The following CLN3 variants were observed in gnomAD, a reference collection of about 807,000 sequenced individuals.
CLN3 encodes CLN3 lysosomal/endosomal transmembrane protein, battenin.
Under a neutral mutation model 60.7 loss-of-function variants are expected in CLN3, and 49 were observed. That is an observed-to-expected ratio of 0.81 (90% CI 0.64 to 1.02). The LOEUF (loss-of-function observed/expected upper bound fraction) is 1.02. Ranked by LOEUF, CLN3 falls within the 50% of genes least tolerant of loss-of-function variation. CLN3 has a pLI of 0.00. For missense variants in CLN3, 516 were observed against 557.4 expected, an observed-to-expected ratio of 0.93 and a Z score of 0.75; for synonymous variants, 256 against 245.8, an observed-to-expected ratio of 1.04 and a Z score of -0.39.
chr16:28,481,450 A>G (rs866306029), intron 14 of CLN3, among the ~76,000 whole-genome samples: 52 of 131,030 alleles, frequency 4.0e-4, no homozygotes, highest in African/African-American at 1.0e-3. Context: ...ACACACACAC[A>G]CACGCACACA....
Position 28,486,407 on chromosome 16 carries a change from C to A in CLN3, c.617G>T (p.Gly206Val), listed in dbSNP as rs2046218972. 6.2e-7 allele frequency: 1 copy of A among 1,613,186 alleles called. No individual in the cohort carries two copies. The highest frequency in any genetic ancestry group is 8.5e-7 in the Non-Finnish European group (1 of 1,179,986). The stretch of plus-strand genomic sequence containing the variant: ...CAGCAGGGTCTGCTGAGGGGAGAGG[C>A]CGGCCTGGGTGAGGCCCAGGTAGGA... ...ALSYLGLTQA[G>V]LSPQQTLLSM... Residue 206 changes from glycine to valine, a missense_variant, in exon 9 of 16, where the codon GGC (glycine) becomes GTC (valine). Coordinates refer to ENST00000636147, the MANE Select transcript of CLN3 (RefSeq NM_001042432.2).
In CLN3 at chr16:28,482,319, C is replaced by T. The variant is rs2046112088; in HGVS notation, c.962+8G>A. On this transcript the variant is annotated splice_region_variant and intron_variant, in intron 13 of 15. Transcript: ENST00000636147. ...GCCCTCCCAGCCCACTGCCCTCGCT[C>T]CTCTTACCAGCGGTATTGCTGAGCG... 6.2e-7 allele frequency: 1 copy of T among 1,613,378 alleles called. No homozygotes were observed. Among genetic ancestry groups the T allele is most frequent in the Non-Finnish European group, 8.5e-7 (1 of 1,179,808 alleles).
chr16:28,478,617 TAAAAAAAAAAAAAAAAAAAA>T (rs766238150), intron 14 of CLN3, among the ~76,000 whole-genome samples: 5 of 74,356 alleles, frequency 6.7e-5, no homozygotes, highest in African/African-American at 3.8e-4. Context: ...TCCTGTCTCA[TAAAAAAAAAAAAAAAAAAAA>T]AAAAAAAAAT....
intron 5 of CLN3, 57 bp downstream of exon 5, chr16:28,488,534 G>A (rs1206460604): frequency 2.0e-6 from 3 of 1,486,266 alleles, no homozygotes; most frequent in Non-Finnish European, 2.8e-6. Flanking sequence ...CTGGGAGTGG[G>A]GTCTATAGAC....
intron 7 of CLN3, 42 bp from the exon 8 acceptor site, chr16:28,486,692 G>C (rs769513756): frequency 1.9e-5 from 30 of 1,558,092 alleles, no homozygotes; most frequent in South Asian, 3.5e-5. Context: ...ACCACACCTT[G>C]CCACACTGCC....
At chr16:28,488,079 C>CA (rs1555468989) in intron 5 of CLN3, 8 of 276,220 alleles carry the variant, frequency 2.9e-5, no homozygotes, top group Non-Finnish European at 5.7e-5. Context: ...CTCATTCTGC[C>CA]ACCCAGGCTG....
chr16:28,489,224 C>G (rs944853045), intron 4 of CLN3, 66 bp downstream of exon 4: 3 of 1,297,590 alleles, frequency 2.3e-6, no homozygotes, highest in Non-Finnish European at 3.3e-6. Context: ...CTTTACCCCA[C>G]CTTGTCCCAC....
At chr16:28,482,813 G>A in intron 10 of CLN3, 141 bp from the exon 11 acceptor site, 4 of 912,494 alleles carry the variant, frequency 4.4e-6, no homozygotes, top group Non-Finnish European at 7.1e-6. Context: ...ACTTAAAAAT[G>A]GTTAAAATGG....
chr16:28,480,455 C>CAGT (rs2046070273), intron 14 of CLN3, among the ~76,000 whole-genome samples: 1 of 151,852 alleles, frequency 6.6e-6, no homozygotes, highest in Non-Finnish European at 1.5e-5. Context: ...GGCTGGAGTA[C>CAGT]AGTACTGCAA....
At chr16:28,474,295 C>G (rs1447500835), downstream of CLN3, 1 of 151,646 alleles carries the variant, frequency 6.6e-6, no homozygotes, top group East Asian at 1.9e-4. Flanking sequence ...AAACAAAAAA[C>G]AACAACAAAA....
At chr16:28,490,356 A>G (rs997083443) in intron 3 of CLN3, 4 of 151,708 alleles carry the variant, frequency 2.6e-5, no homozygotes, top group African/African-American at 4.8e-5. Flanking sequence ...AGACAGGAGA[A>G]TAGCTTGAAC....
chr16:28,480,144 G>A (rs1218869343), intron 14 of CLN3, among the ~76,000 whole-genome samples: 5 of 151,618 alleles, frequency 3.3e-5, no homozygotes, highest in African/African-American at 1.2e-4. Context: ...TTGTAGAGAT[G>A]AGGTCTCGTG....
intron 1 of CLN3, 36 bp downstream of exon 1, chr16:28,491,984 C>G: frequency 3.2e-6 from 2 of 628,318 alleles, no homozygotes; most frequent in Non-Finnish European, 5.7e-6. Context: ...GTACTCTCCC[C>G]CGCCCCGTCT....
chr16:28,489,484 C>T, intron 3 of CLN3, 98 bp from the exon 4 acceptor site: 1 of 846,658 alleles, frequency 1.2e-6, no homozygotes, highest in Non-Finnish European at 2.0e-6. Flanking sequence ...TCAATCAGCC[C>T]CCTCTTTTTT....
chr16:28,483,713 C>CTTTT (rs755660742), intron 10 of CLN3, among the ~76,000 whole-genome samples: 17 of 100,534 alleles, frequency 1.7e-4, no homozygotes, highest in East Asian at 3.5e-4. Context: ...CCTTTCTTTT[C>CTTTT]TTTTTTTTTT....
chr16:28,486,444 G>A lies in CLN3; in HGVS notation c.580C>T (p.Leu194=). ...AGGCCCAGGTAGGACAGGGCCCCCA[G>A]CAGCCCAGCTCCCCCAGTCCCTGAG... The part of the protein sequence containing the change: ...WSSGTGGAGL[L]GALSYLGLTQ... The change falls in exon 9 of 16, where the codon CTG becomes TTG. Residue 194 remains leucine, a synonymous_variant. Transcript: ENST00000636147. The A allele has an allele frequency of 6.2e-7, 1 of 1,613,412 alleles. No individual in the cohort carries two copies. The highest frequency in any genetic ancestry group is 8.5e-7 in the Non-Finnish European group (1 of 1,179,840).
In CLN3 at chr16:28,480,084, C is replaced by T. The variant is rs147188958; in HGVS notation, c.1056+2021G>A. ...AAAGCGATCCTCCTGCCTCAGCCTC[C>T]CGAGTAGCTGGGATTACAGGTGAAT... On this transcript the variant is annotated intron_variant, in intron 14 of 15. Coordinates refer to ENST00000636147, the MANE Select transcript of CLN3 (RefSeq NM_001042432.2). 8.1e-3 allele frequency among the ~76,000 whole-genome samples: 1,227 copies of T among 151,644 alleles called. 15 individuals are homozygous for T. The highest frequency in any genetic ancestry group is 0.026 in the African/African-American group (1,066 of 41,398).
rs1191755724 is a variant in CLN3 at position 28,486,585 on chromosome 16, A to G, written c.526T>C (p.Tyr176His). 2 of 1,611,138 alleles carry G rather than the reference A, an allele frequency of 1.2e-6. No homozygotes were observed. The highest frequency in any genetic ancestry group is 1.7e-6 in the Non-Finnish European group (2 of 1,178,750). The part of the protein sequence containing the change: ...EVTFLSLTAF[Y>H]PRAVISWWSS... ...CCTGCTCCACCTGCTTACCTGGGGT[A>G]GAAGGCAGTGAGGGAGAGGAAGGTG... Residue 176 changes from tyrosine (Y) to histidine (H), a missense_variant, in exon 8 of 16, where the codon TAC (tyrosine) becomes CAC (histidine). Coordinates refer to ENST00000636147, the MANE Select transcript of CLN3 (RefSeq NM_001042432.2).
chr16:28,490,622 T>C (rs2046298242), intron 3 of CLN3, among the ~76,000 whole-genome samples: 2 of 150,340 alleles, frequency 1.3e-5, no homozygotes. Flanking sequence ...TAGCCGGGCG[T>C]GGTGGCAGGC....
Sources: gnomAD v4.1 joint callset for allele counts (sites outside exome capture counted in the v4.1 genomes callset) on GRCh38, gnomAD v4.1.1 for gene constraint, MANE v1.5 for transcripts, NCBI Gene and HGNC (gene_info 2026-07-23, HGNC 2026-07-21) for gene names.